The following SLC6A4 variants were observed in gnomAD, a reference collection of about 807,000 sequenced individuals.
SLC6A4 encodes the protein sodium-dependent serotonin transporter.
In SLC6A4, 22 loss-of-function variants were observed where a neutral mutation model predicts 73.4. The observed-to-expected ratio is 0.30, with a 90% CI of 0.21 to 0.43. The LOEUF (loss-of-function observed/expected upper bound fraction) is 0.43, where lower values mean the gene tolerates loss of function less well. Among genes scored for constraint, SLC6A4 ranks in the 20% least tolerant of loss-of-function variants. The pLI is 1.00. For synonymous variants in SLC6A4, 270 were observed against 315.5 expected (o/e 0.86, Z 1.53); for missense variants, 593 against 808.5 (o/e 0.73, Z 3.23).
At chr17:30,229,436 C>G (rs1907021035) in intron 1 of SLC6A4, among the ~76,000 whole-genome samples, 1 of 152,096 alleles carries the variant, frequency 6.6e-6, no homozygotes. Flanking sequence ...ATTCGAAGTT[C>G]TTTCTTTATT....
chr17:30,226,487 G>A (rs1027303191), intron 1 of SLC6A4, among the ~76,000 whole-genome samples: 1 of 152,230 alleles, frequency 6.6e-6, no homozygotes, highest in African/African-American at 2.4e-5. Flanking sequence ...ATCACCTGAG[G>A]TCAGGAGTTT....
At chr17:30,234,650 G>GTCTAGTCATTTGCC (rs1233399552) in intron 1 of SLC6A4, among the ~76,000 whole-genome samples, 1 of 152,180 alleles carries the variant, frequency 6.6e-6, no homozygotes, top group Non-Finnish European at 1.5e-5. Flanking sequence ...TTTTTCCTAT[G>GTCTAGTCATTTGCC]TAACTGAAGG....
At position 30,221,806 on chromosome 17, in the gene SLC6A4, T is replaced by C. The variant is rs1906771009; in HGVS notation, c.153A>G (p.Pro51=). Residue 51 remains proline, a synonymous_variant, in exon 3 of 15, where the codon CCA becomes CCG. Transcript: ENST00000650711. ...GTGTGTCATCTCCCGCACCAGGACT[T>C]GGAACTGCTGAGTACCCATTGGATA... ...GQISNGYSAV[P]SPGAGDDTRH... 1.2e-6 allele frequency: 2 copies of C among 1,614,186 alleles called. No individual in the cohort carries two copies. Among genetic ancestry groups the C allele is most frequent in the African/African-American group, 1.3e-5 (1 of 75,056 alleles).
rs760161891 is a variant in SLC6A4, at chr17:30,210,559, C to T, written c.1405G>A (p.Val469Met). The T allele has an allele frequency of 4.3e-6, 7 of 1,613,712 alleles. No individual in the cohort carries two copies. The highest frequency in any genetic ancestry group is 2.7e-5 in the African/African-American group (2 of 74,858). Reference protein sequence around the residue: ...AKRRERFVLAVVITCFFGSLV... With the variant: ...AKRRERFVLAMVITCFFGSLV... ...GATCCAAAGAAGCAGGTGATGACCA[C>T]GGCGAGCACGAACCGCTCCCGGCGC... Residue 469 changes from valine (V) to methionine (M), a missense_variant, in exon 11 of 15, where the codon GTG becomes ATG. Coordinates refer to ENST00000650711, the MANE Select transcript of SLC6A4 (RefSeq NM_001045.6).
chr17:30,208,926 T>C (rs2143014066), intron 12 of SLC6A4, among the ~76,000 whole-genome samples: 1 of 151,562 alleles, frequency 6.6e-6, no homozygotes, highest in East Asian at 2.0e-4. Flanking sequence ...GGTCTCGAAC[T>C]CCTGATCTCA....
At position 30,215,734 on chromosome 17, in the gene SLC6A4, A is replaced by C; in HGVS notation, c.973-20T>G. The C allele has an allele frequency of 6.2e-7, 1 of 1,605,300 alleles. No homozygotes were observed. The highest frequency in any genetic ancestry group is 1.7e-4 in the Middle Eastern group (1 of 6,032). On this transcript the variant is annotated intron_variant, in intron 7 of 14. Coordinates refer to ENST00000650711, the MANE Select transcript of SLC6A4 (RefSeq NM_001045.6). Reference sequence around the variant, plus strand: ...CCACACCTGGAACACAGCAGGGGTAAGGGCATGGGGTGAGGGGGAGACACA... The same window carrying C: ...CCACACCTGGAACACAGCAGGGGTACGGGCATGGGGTGAGGGGGAGACACA...
chr17:30,218,295 G>A lies in SLC6A4; in HGVS notation c.521C>T (p.Ser174Phe). Residue 174 changes from serine (S) to phenylalanine (F), a missense_variant, in exon 5 of 15, where the codon TCC becomes TTC. Ser to Phe is a radical substitution (Grantham distance 155, BLOSUM62 -2). Coordinates refer to ENST00000650711, the MANE Select transcript of SLC6A4 (RefSeq NM_001045.6). ...AICIIAFYIA[S>F]YYNTIMAWAL... ...CCAGGCCATGATGGTGTTGTAGTAG[G>A]AAGCAATGTAAAAGGCAATGATGCA... 3.1e-6 allele frequency: 5 copies of A among 1,614,140 alleles called. No homozygotes were observed. The highest frequency in any genetic ancestry group is 4.2e-6 in the Non-Finnish European group (5 of 1,180,006).
chr17:30,200,102 A>T (rs965650868), intron 14 of SLC6A4, among the ~76,000 whole-genome samples: 3 of 152,232 alleles, frequency 2.0e-5, no homozygotes, highest in African/African-American at 7.2e-5. Flanking sequence ...ACCATAGCTC[A>T]GAGAGAGAAG....
intron 1 of SLC6A4, among the ~76,000 whole-genome samples, chr17:30,228,626 C>T (rs1246544924): frequency 6.6e-6 from 1 of 152,186 alleles, no homozygotes. Context: ...TTAACAAATA[C>T]CGCAGGTTAT....
chr17:30,234,480 A>G (rs1158635005), intron 1 of SLC6A4, among the ~76,000 whole-genome samples: 1 of 152,198 alleles, frequency 6.6e-6, no homozygotes, highest in African/African-American at 2.4e-5. Flanking sequence ...GCGTGGCAGG[A>G]AAACCCGAAC....
intron 8 of SLC6A4, among the ~76,000 whole-genome samples, chr17:30,214,713 AACTC>A (rs1906501020): frequency 6.7e-6 from 1 of 150,064 alleles, no homozygotes; most frequent in Non-Finnish European, 1.5e-5. Flanking sequence ...GCTCACCGCA[AACTC>A]CACCTCCTGG....
chr17:30,232,184 G>A lies in SLC6A4; in HGVS notation c.-221+3429C>T, dbSNP rs201084188. Among the ~76,000 whole-genome samples, 24 of 152,286 alleles carry A rather than the reference G, an allele frequency of 1.6e-4. No individual in the cohort carries two copies. The East Asian group carries it at 3.1e-3, about 20-fold the overall frequency. ...GAAAGGTCACACCAAAACCCAAGAC[G>A]GCAAAGGCCCACGTACTTGCCCCCT... On this transcript the variant is annotated intron_variant, in intron 1 of 14. Transcript: ENST00000650711.
At chr17:30,222,945 G>A in intron 1 of SLC6A4, 30 bp from the exon 2 acceptor site, 1 of 821,490 alleles carries the variant, frequency 1.2e-6, no homozygotes, top group Non-Finnish European at 1.8e-6. Context: ...GGTTACTGAT[G>A]CTGGGGTGGT....
chr17:30,212,678 A>AC, intron 9 of SLC6A4, 62 bp downstream of exon 9: 1 of 1,560,608 alleles, frequency 6.4e-7, no homozygotes, highest in South Asian at 1.1e-5. Context: ...AGATCTTTAC[A>AC]AAGATTCAAA....
In SLC6A4 at chr17:30,198,352, GGCTTAGCTGGAA is replaced by G. The variant is rs1905927909; in HGVS notation, c.*92_*103del. ...TGTGGAGAAGGCCCTTCCATCATCA[GGCTTAGCTGGAA>G]ACTCATTCACTTGGAGGGGAGAAGG... On this transcript the variant is annotated 3_prime_UTR_variant, in exon 15 of 15. Coordinates refer to ENST00000650711, the MANE Select transcript of SLC6A4 (RefSeq NM_001045.6). The G allele has an allele frequency of 5.8e-6, 4 of 690,190 alleles. No individual in the cohort carries two copies. The highest frequency in any genetic ancestry group is 1.0e-5 in the Non-Finnish European group (4 of 388,974). The allele number at this position is 690,190 out of a possible 1,614,324, so 42.8% of individuals were successfully genotyped here.
At chr17:30,210,732 G>A (rs973758743) in intron 10 of SLC6A4, 86 bp from the exon 11 acceptor site, 27 of 1,438,724 alleles carry the variant, frequency 1.9e-5, no homozygotes, top group Non-Finnish European at 2.4e-5. Flanking sequence ...GAGGGGTAAG[G>A]TTGCTAAGTG....
Position 30,218,780 on chromosome 17 carries a change from C to T in SLC6A4, c.478+17G>A, listed in dbSNP as rs202164263. 1.9e-6 allele frequency: 3 copies of T among 1,613,802 alleles called. No homozygotes were observed. Among genetic ancestry groups the T allele is most frequent in the Non-Finnish European group, 2.5e-6 (3 of 1,179,800 alleles). ...TGAGAGGCTCCACTTACCCACCCCA[C>T]CGAGCCCTTCAGTTACCTTTGAAAA... On this transcript the variant is annotated intron_variant, in intron 4 of 14. Coordinates refer to ENST00000650711, the MANE Select transcript of SLC6A4 (RefSeq NM_001045.6).
In SLC6A4 at chr17:30,203,392, T is replaced by G. The variant is rs1006309029; in HGVS notation, c.1651-53A>C. ...AAAACCTTAACAATATCCACTCAGA[T>G]AGAGATGTTTCCGATACCACAAACA... On this transcript the variant is annotated intron_variant, in intron 13 of 14. Coordinates refer to ENST00000650711, the MANE Select transcript of SLC6A4 (RefSeq NM_001045.6). The G allele has an allele frequency of 5.4e-6, 8 of 1,477,608 alleles. No homozygotes were observed. The African/African-American group carries it at 1.1e-4, about 21-fold the overall frequency. 91.5% of individuals were successfully genotyped at this position (1,477,608 alleles called of 1,614,324 possible). A position where few individuals can be genotyped will look rare whatever the true frequency, so the allele number is the denominator to read the frequency against.
intron 4 of SLC6A4, 132 bp downstream of exon 4, chr17:30,218,661 CTTAA>C (rs1210781290): frequency 1.1e-6 from 1 of 886,820 alleles, no homozygotes; most frequent in Non-Finnish European, 1.8e-6. Context: ...CAGTCAAAAC[CTTAA>C]TTACTCAAGC....
Sources: gnomAD v4.1 joint callset for allele counts (sites outside exome capture counted in the v4.1 genomes callset) on GRCh38, gnomAD v4.1.1 for gene constraint, MANE v1.5 for transcripts, NCBI Gene and HGNC (gene_info 2026-07-23, HGNC 2026-07-21) for gene names.